Variants in GSE1 observed in about 807,000 individuals in gnomAD.
GSE1 encodes genetic suppressor element 1.
A neutral mutation model predicts 112.6 loss-of-function variants in GSE1; 32 were observed. The ratio of observed to expected loss-of-function variants is 0.28; its 90% CI spans 0.21 to 0.38. GSE1 has a LOEUF of 0.38. Ranked by LOEUF, GSE1 falls within the 10% of genes least tolerant of loss-of-function variation. The probability of loss-of-function intolerance (pLI) is 1.00; values close to 1 mark genes in which losing one functional copy is unlikely to be tolerated. For synonymous variants in GSE1, 1,115 were observed against 735.6 expected (o/e 1.52, Z -8.35); for missense variants, 2,348 against 1,699.2 (o/e 1.38, Z -6.71).
At chr16:85,583,570 C>A in intron 1 of GSE1, 1 of 152,168 alleles carries the variant, frequency 6.6e-6, no homozygotes. Flanking sequence ...CGCAGGAACT[C>A]ACACATGCTC....
intron 1 of GSE1, among the ~76,000 whole-genome samples, chr16:85,600,046 G>A (rs893118961): frequency 7.9e-5 from 12 of 152,202 alleles, no homozygotes; most frequent in African/African-American, 2.7e-4. Flanking sequence ...CTACCCCTCT[G>A]GGTCTCTGTG....
intron 2 of GSE1, among the ~76,000 whole-genome samples, chr16:85,464,501 C>T (rs1050856785): frequency 6.6e-6 from 1 of 152,230 alleles, no homozygotes; most frequent in Non-Finnish European, 1.5e-5. Flanking sequence ...TGGAGGAGGG[C>T]CTCGGCAGCC....
At chr16:85,527,997 A>ACACTC (rs758115345) in intron 2 of GSE1, among the ~76,000 whole-genome samples, 10 of 152,192 alleles carry the variant, frequency 6.6e-5, no homozygotes, top group Non-Finnish European at 1.2e-4. Context: ...CCAGCAGTTC[A>ACACTC]CGGCAGAGGG....
intron 2 of GSE1, among the ~76,000 whole-genome samples, chr16:85,529,753 G>A (rs988074062): frequency 5.3e-5 from 8 of 152,196 alleles, no homozygotes; most frequent in Admixed American, 3.3e-4. Flanking sequence ...GAGGCTTCCG[G>A]AACCTCACCG....
chr16:85,310,001 G>A (rs182669279), intron 1 of GSE1, among the ~76,000 whole-genome samples: 16 of 152,362 alleles, frequency 1.1e-4, no homozygotes, highest in East Asian at 7.7e-4. Flanking sequence ...ACCTGCCTGG[G>A]AACAGAGCGT....
At position 85,414,314 on chromosome 16, in the gene GSE1, G is replaced by T. The variant is rs1423102592; in HGVS notation, c.2464+56671G>T. ...CATTGGTTGCTAAATCACTGCCATGGTCAGGTGTTTCTCCAACATCTATGT... is the reference window on the plus strand; with the variant it reads ...CATTGGTTGCTAAATCACTGCCATGTTCAGGTGTTTCTCCAACATCTATGT... On this transcript the variant is annotated intron_variant, in intron 2 of 2. Transcript: ENST00000637419. Among the ~76,000 whole-genome samples the T allele has an allele frequency of 3.3e-5, 5 of 152,192 alleles. No homozygotes were observed. In the East Asian group the frequency reaches 7.7e-4, roughly 23 times the overall value.
chr16:85,272,003 C>G (rs1323741680), intron 1 of GSE1, among the ~76,000 whole-genome samples: 1 of 152,220 alleles, frequency 6.6e-6, no homozygotes, highest in Non-Finnish European at 1.5e-5. Flanking sequence ...ACCACTGTGT[C>G]ACCCCTTCCC....
chr16:85,489,580 C>G (rs1191142969), intron 2 of GSE1, among the ~76,000 whole-genome samples: 1 of 150,748 alleles, frequency 6.6e-6, no homozygotes, highest in Admixed American at 6.6e-5. Flanking sequence ...CCCCATAGCA[C>G]CCACCCCACA....
At chr16:85,402,928 A>C in intron 2 of GSE1, among the ~76,000 whole-genome samples, 1 of 151,950 alleles carries the variant, frequency 6.6e-6, no homozygotes, top group East Asian at 1.9e-4. Flanking sequence ...AAAAAAAAAA[A>C]ATTGCCCCAA....
chr16:85,633,953 T>C lies in GSE1; in HGVS notation c.47T>C (p.Leu16Pro). 6.2e-7 allele frequency: 1 copy of C among 1,612,860 alleles called. No individual in the cohort carries two copies. Among genetic ancestry groups the C allele is most frequent in the Non-Finnish European group, 8.5e-7 (1 of 1,179,642 alleles). Reference sequence around the variant, plus strand: ...CCCAAGTCCCCTTCGCTAGGGATGCTTTCCACCGCGACCAGGACCACCGCC... The same window carrying C: ...CCCAAGTCCCCTTCGCTAGGGATGCCTTCCACCGCGACCAGGACCACCGCC... ...HEPKSPSLGM[L>P]STATRTTATV... Residue 16 changes from leucine to proline, a missense_variant, in exon 2 of 16, where the codon CTT becomes CCT. By Grantham distance (98) the Leu-to-Pro change is moderately conservative. Transcript: ENST00000253458.
At chr16:85,235,119 C>T (rs965690650) in intron 1 of GSE1, among the ~76,000 whole-genome samples, 2 of 151,932 alleles carry the variant, frequency 1.3e-5, no homozygotes, top group African/African-American at 4.8e-5. Context: ...GCCCCAGACT[C>T]CTCACCGCTG....
At chr16:85,236,805 G>A (rs1050627283) in intron 1 of GSE1, among the ~76,000 whole-genome samples, 3 of 152,100 alleles carry the variant, frequency 2.0e-5, no homozygotes, top group East Asian at 3.9e-4. Context: ...TACCTCTAAG[G>A]TGTGCCTCCC....
intron 2 of GSE1, among the ~76,000 whole-genome samples, chr16:85,424,533 G>A (rs1302532744): frequency 6.6e-6 from 1 of 152,226 alleles, no homozygotes; most frequent in East Asian, 1.9e-4. Context: ...CTGGGCATGT[G>A]CAAGGCTGCC....
At chr16:85,357,460 C>A in intron 1 of GSE1, 2 of 1,213,786 alleles carry the variant, frequency 1.6e-6, no homozygotes. Flanking sequence ...CTTTTCCTTT[C>A]AGCCTGTTTG....
At chr16:85,314,235 G>A (rs1241194037) in intron 1 of GSE1, among the ~76,000 whole-genome samples, 1 of 152,116 alleles carries the variant, frequency 6.6e-6, no homozygotes, top group Non-Finnish European at 1.5e-5. Context: ...GCATTCTGCC[G>A]GCTAGTGCCA....
intron 1 of GSE1, among the ~76,000 whole-genome samples, chr16:85,347,005 A>G (rs2046756671): frequency 1.3e-5 from 2 of 152,258 alleles, no homozygotes; most frequent in South Asian, 2.1e-4. Flanking sequence ...AGCTGAACCA[A>G]ATAACGTGGC....
chr16:85,442,117 C>T (rs2049389728), intron 2 of GSE1, among the ~76,000 whole-genome samples: 1 of 152,240 alleles, frequency 6.6e-6, no homozygotes, highest in East Asian at 1.9e-4. Context: ...TGTGGATGGC[C>T]TGGAGATCCT....
At chr16:85,387,287 C>T (rs2047708920) in intron 2 of GSE1, among the ~76,000 whole-genome samples, 1 of 152,192 alleles carries the variant, frequency 6.6e-6, no homozygotes, top group Non-Finnish European at 1.5e-5. Flanking sequence ...CCCCACTTTC[C>T]CGACGCCTTG....
At chr16:85,655,059 G>T in intron 5 of GSE1, 68 bp downstream of exon 5, 1 of 1,036,894 alleles carries the variant, frequency 9.6e-7, no homozygotes, top group South Asian at 1.3e-5. Flanking sequence ...GAACCTGGCG[G>T]GGAAGGTGTT....
Sources: allele counts gnomAD v4.1 joint callset (sites outside exome capture counted in the v4.1 genomes callset), GRCh38; gene constraint gnomAD v4.1.1; transcripts MANE v1.5; gene names NCBI Gene and HGNC (gene_info 2026-07-23, HGNC 2026-07-21).